Variants in CCDC88C observed in about 807,000 individuals in gnomAD.
CCDC88C encodes protein Daple.
In CCDC88C, 131 loss-of-function variants were observed where a neutral mutation model predicts 198.8. The ratio of observed to expected loss-of-function variants is 0.66; its 90% CI spans 0.57 to 0.76. The LOEUF (loss-of-function observed/expected upper bound fraction) is 0.76, where lower values mean the gene tolerates loss of function less well. Ranked by LOEUF, CCDC88C falls within the 30% of genes least tolerant of loss-of-function variation. CCDC88C has a pLI of 0.00. For missense variants in CCDC88C, 2,553 were observed against 2,631.6 expected, an observed-to-expected ratio of 0.97 and a Z score of 0.65; for synonymous variants, 1,166 against 1,114.7, an observed-to-expected ratio of 1.05 and a Z score of -0.92.
Position 91,271,372 on chromosome 14 carries a change from A to T in CCDC88C, c.*1253T>A, listed in dbSNP as rs933157367. 6.6e-6 allele frequency: 1 copy of T among 152,076 alleles called. No individual in the cohort carries two copies. Among genetic ancestry groups the T allele is most frequent in the Non-Finnish European group, 1.5e-5 (1 of 68,000 alleles). The allele number at this position is 152,076 out of a possible 1,614,324, so 9.4% of individuals were successfully genotyped here. The stretch of plus-strand genomic sequence containing the variant: ...AGTCCTGTCCTTGAGTTCCAGAATG[A>T]ATGGCTATTTAATACACAACCCCAA... On this transcript the variant is annotated 3_prime_UTR_variant, in exon 30 of 30. Coordinates refer to ENST00000389857, the MANE Select transcript of CCDC88C (RefSeq NM_001080414.4).
In CCDC88C at chr14:91,279,271, T is replaced by C. The variant is rs1283842933; in HGVS notation, c.4735A>G (p.Thr1579Ala). The change falls in exon 28 of 30, where the codon ACA becomes GCA. Residue 1579 changes from threonine (T) to alanine (A), a missense_variant. This residue lies in a region of CCDC88C where 1,293 missense variants were observed against 1,219.6 expected (regional missense o/e 1.06). Coordinates refer to ENST00000389857, the MANE Select transcript of CCDC88C (RefSeq NM_001080414.4). ...RPSSLESSRN[T>A]SSNSSPLNLK... is the part of the protein sequence containing the mutation. The stretch of plus-strand genomic sequence containing the variant: ...TTAAGAGGTGAGCTGTTGCTGGATG[T>C]GTTTCTACTGCTCTCTAAGCTACTT... 5 of 1,602,814 alleles carry C rather than the reference T, an allele frequency of 3.1e-6. No individual in the cohort carries two copies. In the Admixed American group the frequency reaches 8.5e-5, roughly 27 times the overall value.
chr14:91,272,346 G>A lies in CCDC88C; in HGVS notation c.*279C>T. The A allele has an allele frequency of 4.4e-6, 2 of 455,550 alleles. No homozygotes were observed. Among genetic ancestry groups the A allele is most frequent in the Non-Finnish European group, 7.9e-6 (2 of 254,446 alleles). 28.2% of individuals were successfully genotyped at this position (455,550 alleles called of 1,614,324 possible). The stretch of plus-strand genomic sequence containing the variant: ...CTTTGGGGGAAGTCAGTTTGTCATT[G>A]CATCCTAATTGGTCCCCATGCTGAC... On this transcript the variant is annotated 3_prime_UTR_variant, in exon 30 of 30. Coordinates refer to ENST00000389857, the MANE Select transcript of CCDC88C (RefSeq NM_001080414.4).
intron 3 of CCDC88C, among the ~76,000 whole-genome samples, chr14:91,392,537 T>C (rs1381702004): frequency 6.6e-6 from 1 of 152,214 alleles, no homozygotes; most frequent in Non-Finnish European, 1.5e-5. Flanking sequence ...AAAGTGGCTT[T>C]GCCTTTAGAA....
At chr14:91,394,770 T>C (rs1429433014) in intron 3 of CCDC88C, among the ~76,000 whole-genome samples, 1 of 152,042 alleles carries the variant, frequency 6.6e-6, no homozygotes, top group African/African-American at 2.4e-5. Context: ...AATAAAACGA[T>C]CATACAGGAG....
chr14:91,313,449 C>G lies in CCDC88C; in HGVS notation c.2367G>C (p.Leu789=), dbSNP rs748752355. 8 of 1,607,604 alleles carry G rather than the reference C, an allele frequency of 5.0e-6. No homozygotes were observed. The South Asian group carries it at 7.7e-5, about 15-fold the overall frequency. ...SHKTQTLESE[L]GELEAERQAL... ...CCTGGCGCTCAGCCTCCAGCTCGCC[C>G]AGCTCACTCTCCAAGGTCTGCGTCT... Residue 789 remains leucine, a synonymous_variant, in exon 15 of 30, where the codon CTG becomes CTC. Transcript: ENST00000389857. The surrounding 1 kb of genome is among the most constrained non-coding windows in gnomAD (Gnocchi z 5.2).
chr14:91,305,287 A>G (rs770363986), intron 19 of CCDC88C, among the ~76,000 whole-genome samples: 5 of 152,220 alleles, frequency 3.3e-5, no homozygotes, highest in Non-Finnish European at 5.9e-5. Context: ...GTGGCACACA[A>G]CCTAGTTCTG....
At chr14:91,407,803 A>C (rs7140291) in intron 3 of CCDC88C, among the ~76,000 whole-genome samples, 1 of 151,972 alleles carries the variant, frequency 6.6e-6, no homozygotes, top group Non-Finnish European at 1.5e-5. Flanking sequence ...TTTGTTTTTG[A>C]GATGGAGTCG....
At position 91,325,492 on chromosome 14, in the gene CCDC88C, G is replaced by A. The variant is rs947485445; in HGVS notation, c.1197+418C>T. On this transcript the variant is annotated intron_variant, in intron 11 of 29. Coordinates refer to ENST00000389857, the MANE Select transcript of CCDC88C (RefSeq NM_001080414.4). The surrounding 1 kb of genome is among the most constrained non-coding windows in gnomAD (Gnocchi z 4.1). Reference sequence around the variant, plus strand: ...TCGTGGTAGCAGTGGCAGCAGCAACGGCAGTAGCAGCAACAAACCCAGTAG... The same window carrying A: ...TCGTGGTAGCAGTGGCAGCAGCAACAGCAGTAGCAGCAACAAACCCAGTAG... Among the ~76,000 whole-genome samples, 8 of 152,164 alleles carry A rather than the reference G, an allele frequency of 5.3e-5. No individual in the cohort carries two copies. The highest frequency in any genetic ancestry group is 1.9e-4 in the African/African-American group (8 of 41,430).
chr14:91,284,703 T>G lies in CCDC88C; in HGVS notation c.4442-1186A>C, dbSNP rs1398487437. Among the ~76,000 whole-genome samples, 1 of 152,204 alleles carries G rather than the reference T, an allele frequency of 6.6e-6. No homozygotes were observed. Among genetic ancestry groups the G allele is most frequent in the Non-Finnish European group, 1.5e-5 (1 of 68,034 alleles). On this transcript the variant is annotated intron_variant, in intron 25 of 29. Coordinates refer to ENST00000389857, the MANE Select transcript of CCDC88C (RefSeq NM_001080414.4). The surrounding 1 kb of genome is among the most constrained non-coding windows in gnomAD (Gnocchi z 4.1). ...TAACCGACTCTCATATTTTAGTAAT[T>G]ATGTGTTTATTCTTATGATTACCTT...
At chr14:91,410,274 C>T (rs763896664) in intron 2 of CCDC88C, among the ~76,000 whole-genome samples, 3 of 152,128 alleles carry the variant, frequency 2.0e-5, no homozygotes, top group East Asian at 1.9e-4. Context: ...CCCAAGACAC[C>T]GCAAAGGATG....
intron 20 of CCDC88C, among the ~76,000 whole-genome samples, chr14:91,301,825 G>A (rs1399270967): frequency 6.6e-6 from 1 of 152,258 alleles, no homozygotes; most frequent in East Asian, 1.9e-4. Flanking sequence ...CATCATGCTA[G>A]TATCAGACTT....
chr14:91,402,622 G>A (rs758801953), intron 3 of CCDC88C, among the ~76,000 whole-genome samples: 4 of 152,222 alleles, frequency 2.6e-5, no homozygotes, highest in Non-Finnish European at 5.9e-5. Context: ...AATGAGAGGT[G>A]TTAACCCCAG....
At chr14:91,385,327 C>T (rs777152253) in intron 3 of CCDC88C, among the ~76,000 whole-genome samples, 54 of 152,336 alleles carry the variant, frequency 3.5e-4, no homozygotes, top group Admixed American at 5.9e-4. Flanking sequence ...GCACAAGAAA[C>T]GCCCTCATGG....
chr14:91,315,071 C>T (rs757812762), intron 14 of CCDC88C, among the ~76,000 whole-genome samples: 4 of 152,192 alleles, frequency 2.6e-5, no homozygotes, highest in East Asian at 3.9e-4. Flanking sequence ...TTCTGGCCAA[C>T]GTGACGTCTA....
chr14:91,379,536 G>A (rs969307677), intron 3 of CCDC88C: 5 of 472,816 alleles, frequency 1.1e-5, no homozygotes, highest in Non-Finnish European at 3.8e-6. Flanking sequence ...CTTCTACTCC[G>A]GTGTTTCTCA....
At position 91,272,907 on chromosome 14, in the gene CCDC88C, C is replaced by CGGGGCTGCAGCA. The variant is rs1889798390; in HGVS notation, c.5793_5804dup (p.Ala1934_Ala1937dup). ...GCGCCTTGGGCTTGGTCCTGGCAGC[C>CGGGGCTGCAGCA]GGGGCTGCAGCAGGTGAGAAGTGCA... On this transcript the variant is annotated inframe_insertion, in exon 30 of 30. Transcript: ENST00000389857. The CGGGGCTGCAGCA allele has an allele frequency of 6.3e-7, 1 of 1,579,432 alleles. No individual in the cohort carries two copies. Among genetic ancestry groups the CGGGGCTGCAGCA allele is most frequent in the African/African-American group, 1.3e-5 (1 of 74,414 alleles).
rs1894822474 is a variant in CCDC88C, at chr14:91,371,909, A to G, written c.271-12198T>C. Among the ~76,000 whole-genome samples, 1 of 152,136 alleles carries G rather than the reference A, an allele frequency of 6.6e-6. No homozygotes were observed. The highest frequency in any genetic ancestry group is 2.4e-5 in the African/African-American group (1 of 41,416). On this transcript the variant is annotated intron_variant, in intron 3 of 29. Transcript: ENST00000389857. The surrounding 1 kb of genome is among the most constrained non-coding windows in gnomAD (Gnocchi z 4.2). ...GGCACCTAGGAGCCTCCAGCGGTAG[A>G]TGGCAGCCCAGACCACCCCAGCCTG... is the stretch of plus-strand genomic sequence containing the variant.
At position 91,294,176 on chromosome 14, in the gene CCDC88C, T is replaced by G; in HGVS notation, c.4109A>C (p.Tyr1370Ser). 1 of 1,614,002 alleles carries G rather than the reference T, an allele frequency of 6.2e-7. No individual in the cohort carries two copies. The highest frequency in any genetic ancestry group is 8.5e-7 in the Non-Finnish European group (1 of 1,179,858). ...GGTTCAGGGACTCCCTGCTTACATG[T>G]ACTGCTTCTGCTCCTCATGGTACTG... The part of the protein sequence containing the change: ...KEQYHEEQKQ[Y>S]IDKLNALRRH... The change falls in exon 23 of 30, where the codon TAC (tyrosine) becomes TCC (serine). Residue 1370 changes from tyrosine to serine, a missense_variant. This residue lies in a region of CCDC88C where 1,293 missense variants were observed against 1,219.6 expected (regional missense o/e 1.06). Coordinates refer to ENST00000389857, the MANE Select transcript of CCDC88C (RefSeq NM_001080414.4).
chr14:91,372,532 G>GC (rs1567105600), intron 3 of CCDC88C, among the ~76,000 whole-genome samples: 26 of 115,620 alleles, frequency 2.2e-4, no homozygotes, highest in Admixed American at 3.2e-4. Flanking sequence ...GTGGTGCGGG[G>GC]GGGGGCGGGC....
Sources: gnomAD v4.1 joint callset for allele counts (sites outside exome capture counted in the v4.1 genomes callset) on GRCh38, gnomAD v4.1.1 for gene constraint, gnomAD v4.1.1 regional missense constraint, Gnocchi (gnomAD v3.1) non-coding constraint, MANE v1.5 for transcripts, NCBI Gene and HGNC (gene_info 2026-07-23, HGNC 2026-07-21) for gene names.